The following TENM3 variants were observed in gnomAD, a reference collection of about 807,000 sequenced individuals.
The protein encoded by TENM3 is teneurin transmembrane protein 3.
A neutral mutation model predicts 255.1 loss-of-function variants in TENM3; 63 were observed. That is an observed-to-expected ratio of 0.25 (90% CI 0.20 to 0.30). The LOEUF (loss-of-function observed/expected upper bound fraction) is 0.30, where lower values mean the gene tolerates loss of function less well. Ranked by LOEUF, TENM3 falls within the 10% of genes least tolerant of loss-of-function variation. The probability of loss-of-function intolerance (pLI) is 1.00; values close to 1 mark genes in which losing one functional copy is unlikely to be tolerated. For synonymous variants in TENM3, 1,306 were observed against 1,322.3 expected (o/e 0.99, Z 0.27); for missense variants, 2,929 against 3,461.1 (o/e 0.85, Z 3.86).
chr4:182,218,594 C>A (rs377553946), intron 1 of TENM3, among the ~76,000 whole-genome samples: 1 of 152,128 alleles, frequency 6.6e-6, no homozygotes, highest in Non-Finnish European at 1.5e-5. Context: ...CTTTACTGTT[C>A]TATAAATAAC....
At chr4:181,757,591 C>A in the TENM3 span, among the ~76,000 whole-genome samples, 2 of 152,142 alleles carry the variant, frequency 1.3e-5, no homozygotes, top group African/African-American at 4.8e-5. Flanking sequence ...GCATGCATTC[C>A]TACAGGCTTT....
At chr4:181,706,701 G>C in the TENM3 span, among the ~76,000 whole-genome samples, 1 of 152,180 alleles carries the variant, frequency 6.6e-6, no homozygotes, top group Admixed American at 6.5e-5. Flanking sequence ...ACCTCACTGC[G>C]CTGTGAGAAA....
At chr4:181,592,256 A>AACACACACACACACACAC in the TENM3 span, among the ~76,000 whole-genome samples, 409 of 148,410 alleles carry the variant, frequency 2.8e-3, 1 homozygote, top group African/African-American at 8.8e-3. Flanking sequence ...TTTAAACACA[A>AACACACACACACACACAC]ACACACACAC....
chr4:182,449,765 A>G (rs1773294793), intron 3 of TENM3, among the ~76,000 whole-genome samples: 2 of 152,238 alleles, frequency 1.3e-5, no homozygotes, highest in Admixed American at 1.3e-4. Context: ...GTCAGGTTTA[A>G]TAGAGCAGTC....
chr4:182,309,512 TC>T (rs1233041784), intron 1 of TENM3, among the ~76,000 whole-genome samples: 2 of 152,182 alleles, frequency 1.3e-5, no homozygotes, highest in African/African-American at 4.8e-5. Context: ...GTTTCATTCC[TC>T]CTCTTGAAAG....
chr4:181,840,692 T>TATTTACCCCCTTAGGTG, the TENM3 span, among the ~76,000 whole-genome samples: 1 of 152,080 alleles, frequency 6.6e-6, no homozygotes, highest in Admixed American at 6.5e-5. Flanking sequence ...TGATGCTAAT[T>TATTTACCCCCTTAGGTG]ATTTACCCCC....
chr4:181,625,833 A>G, the TENM3 span, among the ~76,000 whole-genome samples: 1 of 132,460 alleles, frequency 7.5e-6, no homozygotes. Flanking sequence ...TAATAATAAT[A>G]ACAATAATAA....
chr4:182,721,172 G>A (rs999784486), intron 13 of TENM3, among the ~76,000 whole-genome samples: 6 of 152,046 alleles, frequency 3.9e-5, no homozygotes, highest in Admixed American at 2.6e-4. Context: ...ACAGGCCTCC[G>A]GGCTACATGT....
chr4:181,479,570 G>A, the TENM3 span, among the ~76,000 whole-genome samples: 1 of 151,840 alleles, frequency 6.6e-6, no homozygotes, highest in African/African-American at 2.4e-5. Context: ...TTATTCTACT[G>A]TCATAAATAT....
At position 182,395,734 on chromosome 4, in the gene TENM3, G is replaced by T. The variant is rs376047907; in HGVS notation, c.511+48805G>T. ...ATTAAAGTTTGACAAGGACAAAGAG[G>T]TCATTCAGTTTCTCCTCCTGTTTGT... On this transcript the variant is annotated intron_variant, in intron 3 of 27. Transcript: ENST00000511685. Among the ~76,000 whole-genome samples, 32 of 152,274 alleles carry T rather than the reference G, an allele frequency of 2.1e-4. No individual in the cohort carries two copies. The East Asian group carries it at 2.9e-3, about 14-fold the overall frequency.
intron 3 of TENM3, among the ~76,000 whole-genome samples, chr4:182,574,140 T>A (rs1342479335): frequency 1.3e-5 from 2 of 152,160 alleles, no homozygotes; most frequent in African/African-American, 4.8e-5. Flanking sequence ...TCATAATTTT[T>A]TATTACAACA....
At chr4:181,467,967 C>A in the TENM3 span, among the ~76,000 whole-genome samples, 1 of 152,040 alleles carries the variant, frequency 6.6e-6, no homozygotes, top group African/African-American at 2.4e-5. Context: ...GGGTCAGTTT[C>A]AAGTGATATC....
chr4:181,766,745 G>A, the TENM3 span, among the ~76,000 whole-genome samples: 2 of 150,616 alleles, frequency 1.3e-5, no homozygotes, highest in African/African-American at 4.9e-5. Flanking sequence ...CATAAAGTAT[G>A]TAGGCGTTCA....
At chr4:182,270,284 T>G (rs1588967) in intron 1 of TENM3, among the ~76,000 whole-genome samples, 14,520 of 152,158 alleles carry the variant, frequency 0.095, 1,395 homozygotes, top group African/African-American at 0.25. Context: ...ATTCCCCCCA[T>G]GAAAGATGGC....
chr4:181,879,021 C>A, the TENM3 span, among the ~76,000 whole-genome samples: 3 of 152,128 alleles, frequency 2.0e-5, no homozygotes, highest in African/African-American at 2.4e-5. Flanking sequence ...AGATCAACTC[C>A]TTACTTAGTT....
chr4:182,180,678 G>A (rs1752786170), intron 1 of TENM3, among the ~76,000 whole-genome samples: 1 of 139,462 alleles, frequency 7.2e-6, no homozygotes, highest in Admixed American at 7.4e-5. Context: ...GTCTCACTAT[G>A]TTGCCCAGGC....
chr4:182,719,078 G>A (rs1308690723), intron 13 of TENM3, among the ~76,000 whole-genome samples: 4 of 151,976 alleles, frequency 2.6e-5, no homozygotes, highest in Admixed American at 6.5e-5. Flanking sequence ...CAGCTCCCCC[G>A]TGGGCACCTG....
chr4:182,392,333 A>G (rs1348000391), intron 3 of TENM3, among the ~76,000 whole-genome samples: 1 of 152,208 alleles, frequency 6.6e-6, no homozygotes, highest in Non-Finnish European at 1.5e-5. Flanking sequence ...GTGAAACAGC[A>G]AATGTTGATT....
chr4:181,979,469 A>T, the TENM3 span, among the ~76,000 whole-genome samples: 4 of 152,086 alleles, frequency 2.6e-5, no homozygotes, highest in Admixed American at 2.6e-4. Context: ...GAAATAAAAT[A>T]CTTCATACAG....
Sources: gnomAD v4.1 joint callset for allele counts (sites outside exome capture counted in the v4.1 genomes callset) on GRCh38, gnomAD v4.1.1 for gene constraint, MANE v1.5 for transcripts, NCBI Gene and HGNC (gene_info 2026-07-23, HGNC 2026-07-21) for gene names.